Variants in MALRD1 observed in about 807,000 individuals in gnomAD.
MALRD1 encodes the protein MAM and LDL-receptor class A domain-containing protein 1.
A neutral mutation model predicts 242.1 loss-of-function variants in MALRD1; 247 were observed. The ratio of observed to expected loss-of-function variants is 1.02; its 90% CI spans 0.92 to 1.13. The LOEUF (loss-of-function observed/expected upper bound fraction) is 1.13, where lower values mean the gene tolerates loss of function less well. MALRD1 is among the 50% of genes most tolerant of loss of function. MALRD1 has a pLI of 0.00. For missense variants in MALRD1, 2,989 were observed against 2,533.1 expected (o/e 1.18, Z -3.86); for synonymous variants, 995 against 866.6 (o/e 1.15, Z -2.60).
chr10:19,683,585 C>A (rs7900489), intron 36 of MALRD1, among the ~76,000 whole-genome samples: 118,918 of 152,024 alleles, frequency 0.78, 47,770 homozygotes, highest in Non-Finnish European at 0.86. Context: ...CTCTTTCCAG[C>A]ATCACAGCTG....
chr10:19,223,772 C>G (rs1382192555), intron 18 of MALRD1, among the ~76,000 whole-genome samples: 2 of 152,124 alleles, frequency 1.3e-5, no homozygotes, highest in African/African-American at 4.8e-5. Flanking sequence ...TTGTTCAACT[C>G]CCACTTATGA....
rs181031092 is a variant in MALRD1 at position 19,310,792 on chromosome 10, A to G, written c.3420-13157A>G. Among the ~76,000 whole-genome samples, 17 of 151,482 alleles carry G rather than the reference A, an allele frequency of 1.1e-4. 1 individual carries two copies. The highest frequency in any genetic ancestry group is 1.1e-3 in the Admixed American group (16 of 15,138). On this transcript the variant is annotated intron_variant, in intron 21 of 39. Coordinates refer to ENST00000454679, the MANE Select transcript of MALRD1 (RefSeq NM_001142308.3). ...ATCATCTTTCCAAACTGAGTTCAAG[A>G]TCAACTTTCCTTGATGGCTCTCTCT... is the stretch of plus-strand genomic sequence containing the variant.
At chr10:19,324,146 A>G in intron 22 of MALRD1, 41 bp downstream of exon 22, 1 of 1,530,520 alleles carries the variant, frequency 6.5e-7, no homozygotes, top group Non-Finnish European at 8.8e-7. Flanking sequence ...TTTCTCTCTA[A>G]AAGTTCACAG....
At chr10:19,652,587 G>C (rs373127835) in intron 36 of MALRD1, among the ~76,000 whole-genome samples, 1 of 152,060 alleles carries the variant, frequency 6.6e-6, no homozygotes, top group Non-Finnish European at 1.5e-5. Flanking sequence ...ACCAAGTGTG[G>C]GTCAGTACTG....
chr10:19,717,653 A>G (rs1834451765), intron 38 of MALRD1, among the ~76,000 whole-genome samples: 1 of 152,206 alleles, frequency 6.6e-6, no homozygotes, highest in East Asian at 1.9e-4. Flanking sequence ...TAGAACCTCC[A>G]GAAGTCCAGA....
intron 22 of MALRD1, among the ~76,000 whole-genome samples, chr10:19,324,523 G>T (rs779662470): frequency 1.3e-5 from 2 of 151,164 alleles, no homozygotes; most frequent in African/African-American, 4.9e-5. Flanking sequence ...TGTTAAAAAC[G>T]TTAAGCTGTT....
chr10:19,538,599 T>C, intron 32 of MALRD1, among the ~76,000 whole-genome samples: 1 of 152,178 alleles, frequency 6.6e-6, no homozygotes, highest in East Asian at 1.9e-4. Context: ...TGTTTTGATG[T>C]TTAATGCTAT....
chr10:19,512,152 A>G (rs1411364955), intron 31 of MALRD1, among the ~76,000 whole-genome samples: 1 of 152,120 alleles, frequency 6.6e-6, no homozygotes. Flanking sequence ...CAAAAGAGCC[A>G]TTCTGTGCCC....
chr10:19,258,543 G>A (rs1889513), intron 19 of MALRD1, among the ~76,000 whole-genome samples: 1 of 151,914 alleles, frequency 6.6e-6, no homozygotes, highest in Non-Finnish European at 1.5e-5. Flanking sequence ...TGCCGAAAAC[G>A]TAACATTCAT....
At chr10:19,203,503 G>T (rs767484263) in intron 14 of MALRD1, among the ~76,000 whole-genome samples, 5 of 152,144 alleles carry the variant, frequency 3.3e-5, no homozygotes, top group Non-Finnish European at 7.4e-5. Flanking sequence ...GAAAAAAATT[G>T]TATTTCTTAA....
intron 32 of MALRD1, among the ~76,000 whole-genome samples, chr10:19,537,047 A>G (rs74118992): frequency 0.058 from 8,790 of 152,214 alleles, 816 homozygotes; most frequent in African/African-American, 0.2. Context: ...AAAACCTCCC[A>G]TGTAGAAATT....
At chr10:19,331,335 T>A in intron 23 of MALRD1, 34 bp from the exon 24 acceptor site, 1 of 1,511,472 alleles carries the variant, frequency 6.6e-7, no homozygotes, top group Non-Finnish European at 9.0e-7. Context: ...ACTTCTTGAT[T>A]GACAGTTTAA....
intron 36 of MALRD1, among the ~76,000 whole-genome samples, chr10:19,655,145 A>C (rs1343493190): frequency 6.6e-6 from 1 of 152,146 alleles, no homozygotes; most frequent in Non-Finnish European, 1.5e-5. Context: ...ATTTGAGATC[A>C]AAAAGAAACA....
At chr10:19,168,363 T>C (rs974476811) in intron 13 of MALRD1, among the ~76,000 whole-genome samples, 1 of 152,206 alleles carries the variant, frequency 6.6e-6, no homozygotes, top group Non-Finnish European at 1.5e-5. Flanking sequence ...AAAATTGTTT[T>C]CATTCGGTTT....
At chr10:19,606,013 G>C (rs1411473893) in intron 34 of MALRD1, among the ~76,000 whole-genome samples, 2 of 151,996 alleles carry the variant, frequency 1.3e-5, no homozygotes, top group Non-Finnish European at 2.9e-5. Context: ...TTCAGAGTCA[G>C]CGTTTTCAGT....
intron 21 of MALRD1, among the ~76,000 whole-genome samples, chr10:19,300,435 G>T (rs1255539109): frequency 6.6e-6 from 1 of 151,836 alleles, no homozygotes; most frequent in Non-Finnish European, 1.5e-5. Flanking sequence ...TAAAGCAGGA[G>T]AAATCATACT....
At chr10:19,209,797 A>T (rs759083278) in intron 18 of MALRD1, 117 bp downstream of exon 18, 2 of 957,232 alleles carry the variant, frequency 2.1e-6, no homozygotes, top group Non-Finnish European at 3.0e-6. Context: ...AGTTACATTG[A>T]GACACATTTA....
At chr10:19,646,156 G>T (rs554730285) in intron 36 of MALRD1, among the ~76,000 whole-genome samples, 1 of 152,086 alleles carries the variant, frequency 6.6e-6, no homozygotes, top group Admixed American at 6.6e-5. Flanking sequence ...CTACCCAAAG[G>T]TTAGCATTTC....
At position 19,315,596 on chromosome 10, in the gene MALRD1, T is replaced by TAAAA. The variant is rs1436768473; in HGVS notation, c.3420-8352_3420-8351insAAAA. Among the ~76,000 whole-genome samples, 32 of 46,000 alleles carry TAAAA rather than the reference T, an allele frequency of 7.0e-4. 1 individual carries two copies. The East Asian group carries it at 0.022, about 31-fold the overall frequency. 30.2% of individuals were successfully genotyped at this position (46,000 alleles called of 152,430 possible). A position where few individuals can be genotyped will look rare whatever the true frequency, so the allele number is the denominator to read the frequency against. On this transcript the variant is annotated intron_variant, in intron 21 of 39. Coordinates refer to ENST00000454679, the MANE Select transcript of MALRD1 (RefSeq NM_001142308.3). ...ATATAAATTATAAATTATAAATATT[T>TAAAA]ATATAAATTATAAATATTTATATAA...
Sources: gnomAD v4.1 joint callset for allele counts (sites outside exome capture counted in the v4.1 genomes callset) on GRCh38, gnomAD v4.1.1 for gene constraint, MANE v1.5 for transcripts, NCBI Gene and HGNC (gene_info 2026-07-23, HGNC 2026-07-21) for gene names.